The following ROBO1 variants were observed in gnomAD, a reference collection of about 807,000 sequenced individuals.
ROBO1 encodes the protein roundabout guidance receptor 1, also known as roundabout homolog 1.
Under a neutral mutation model 195.9 loss-of-function variants are expected in ROBO1, and 149 were observed. The observed-to-expected ratio is 0.76, with a 90% confidence interval of 0.67 to 0.87. The LOEUF is 0.87. Among genes scored for constraint, ROBO1 ranks in the 40% least tolerant of loss-of-function variants. ROBO1 has a pLI of 0.00. For synonymous variants in ROBO1, 816 were observed against 733.2 expected (o/e 1.11, Z -1.82); for missense variants, 1,933 against 2,068.3 (o/e 0.93, Z 1.27).
intron 2 of ROBO1, among the ~76,000 whole-genome samples, chr3:79,308,345 T>C (rs2033319250): frequency 6.6e-6 from 1 of 152,190 alleles, no homozygotes; most frequent in African/African-American, 2.4e-5. Flanking sequence ...ATCTAAATCA[T>C]TCATGCAGGA....
chr3:79,191,561 T>A (rs1373734830), intron 2 of ROBO1, among the ~76,000 whole-genome samples: 4 of 151,248 alleles, frequency 2.6e-5, no homozygotes, highest in Non-Finnish European at 5.9e-5. Flanking sequence ...TAATATAAAA[T>A]ATAAATTATT....
At chr3:79,339,369 T>A (rs2109216172) in intron 2 of ROBO1, among the ~76,000 whole-genome samples, 1 of 152,336 alleles carries the variant, frequency 6.6e-6, no homozygotes, top group South Asian at 2.1e-4. Flanking sequence ...TCTGGCTTTG[T>A]GTGCTGTTTT....
chr3:79,726,055 G>T (rs1260424093), intron 1 of ROBO1, among the ~76,000 whole-genome samples: 1 of 152,150 alleles, frequency 6.6e-6, no homozygotes, highest in African/African-American at 2.4e-5. Context: ...GCCATTCTCG[G>T]CTGGGTTCCT....
chr3:79,483,111 T>C (rs540048924), intron 2 of ROBO1, among the ~76,000 whole-genome samples: 3 of 152,232 alleles, frequency 2.0e-5, no homozygotes, highest in African/African-American at 4.8e-5. Flanking sequence ...ACTTCCACTT[T>C]GTTTGAACCA....
At chr3:79,448,304 A>T (rs1483333283) in intron 2 of ROBO1, among the ~76,000 whole-genome samples, 1 of 152,192 alleles carries the variant, frequency 6.6e-6, no homozygotes, top group East Asian at 1.9e-4. Context: ...ATTTCTAAAC[A>T]CAAAAGTAAT....
intron 5 of ROBO1, among the ~76,000 whole-genome samples, chr3:78,728,499 T>TA (rs1415205244): frequency 2.6e-5 from 4 of 151,768 alleles, no homozygotes; most frequent in African/African-American, 9.7e-5. Flanking sequence ...AATTAAACTG[T>TA]AAAAAGTACC....
At chr3:79,434,771 T>G (rs1054471219) in intron 2 of ROBO1, among the ~76,000 whole-genome samples, 3 of 152,174 alleles carry the variant, frequency 2.0e-5, no homozygotes, top group African/African-American at 7.2e-5. Context: ...CACGTATGTT[T>G]ATTGTGGCAC....
rs2107564378 is a variant in ROBO1, at chr3:79,517,547, C to T, written c.88+72277G>A. Among the ~76,000 whole-genome samples the T allele has an allele frequency of 2.0e-5, 3 of 152,234 alleles. No individual in the cohort carries two copies. The South Asian group carries it at 6.2e-4, about 32-fold the overall frequency. On this transcript the variant is annotated intron_variant, in intron 2 of 30. Transcript: ENST00000464233. The stretch of plus-strand genomic sequence containing the variant: ...TTATTTTAACATTCTTTCTGGTCCA[C>T]CTCCTTCATATCTGTGACTTTCAAA...
chr3:79,276,914 G>A (rs1399569646), intron 2 of ROBO1, among the ~76,000 whole-genome samples: 1 of 152,028 alleles, frequency 6.6e-6, no homozygotes, highest in African/African-American at 2.4e-5. Context: ...AAAATACAGT[G>A]AGATACCATC....
intron 2 of ROBO1, among the ~76,000 whole-genome samples, chr3:79,568,506 G>A (rs1427679882): frequency 7.0e-6 from 1 of 142,786 alleles, no homozygotes; most frequent in Non-Finnish European, 1.5e-5. Flanking sequence ...CAGATTGATT[G>A]AATTTTTTTC....
At position 79,606,576 on chromosome 3, in the gene ROBO1, C is replaced by A. The variant is rs138100235; in HGVS notation, c.-50-16615G>T. On this transcript the variant is annotated intron_variant, in intron 1 of 30. Coordinates refer to ENST00000464233, the MANE Select transcript of ROBO1 (RefSeq NM_002941.4). ...TACAGGCATTCACCACTGTGCCCAGCCATTTATGTATTACTTAACCTGTTA... is the reference window on the plus strand; with the variant it reads ...TACAGGCATTCACCACTGTGCCCAGACATTTATGTATTACTTAACCTGTTA... Among the ~76,000 whole-genome samples the A allele has an allele frequency of 8.5e-3, 1,292 of 152,058 alleles. 6 individuals are homozygous for A. The highest frequency in any genetic ancestry group is 0.013 in the Non-Finnish European group (875 of 67,950).
chr3:78,767,623 G>A lies in ROBO1; in HGVS notation c.500-20723C>T, dbSNP rs145694502. ...CACTCCTTGTTGTTGGTCTGTTCAGGGTATCTAATTTTTCCTGATTTAAGC... is the reference window on the plus strand; with the variant it reads ...CACTCCTTGTTGTTGGTCTGTTCAGAGTATCTAATTTTTCCTGATTTAAGC... On this transcript the variant is annotated intron_variant, in intron 4 of 30. Transcript: ENST00000464233. 1.4e-4 allele frequency among the ~76,000 whole-genome samples: 22 copies of A among 152,038 alleles called. No homozygotes were observed. The East Asian group carries it at 4.1e-3, about 28-fold the overall frequency.
chr3:78,767,730 C>CTCAAATGATCTTTTGTATT (rs1369243301), intron 4 of ROBO1, among the ~76,000 whole-genome samples: 1 of 152,134 alleles, frequency 6.6e-6, no homozygotes, highest in African/African-American at 2.4e-5. Context: ...TCATAGTAAC[C>CTCAAATGATCTTTTGTATT]TCAAATGATC....
intron 2 of ROBO1, among the ~76,000 whole-genome samples, chr3:79,546,408 G>A (rs955422527): frequency 6.6e-6 from 1 of 152,032 alleles, no homozygotes; most frequent in Non-Finnish European, 1.5e-5. Context: ...TAAATGTACA[G>A]TGAAAGAGTA....
At chr3:79,028,935 T>C (rs973088238) in intron 3 of ROBO1, among the ~76,000 whole-genome samples, 3 of 152,060 alleles carry the variant, frequency 2.0e-5, no homozygotes, top group Non-Finnish European at 4.4e-5. Flanking sequence ...GGGCAATAAA[T>C]TAAGACATAA....
At chr3:78,617,129 GAGAAAT>G (rs1704157250) in intron 27 of ROBO1, among the ~76,000 whole-genome samples, 2 of 152,028 alleles carry the variant, frequency 1.3e-5, no homozygotes, top group Non-Finnish European at 1.5e-5. Context: ...GGGAATTAAG[GAGAAAT>G]AGCCCATTTT....
chr3:78,943,569 G>A (rs902849692), intron 3 of ROBO1, among the ~76,000 whole-genome samples: 2 of 152,192 alleles, frequency 1.3e-5, no homozygotes, highest in African/African-American at 2.4e-5. Context: ...TTGCTTCAAG[G>A]AAGAGTTGCA....
At chr3:78,663,423 T>C (rs1269785458) in intron 14 of ROBO1, among the ~76,000 whole-genome samples, 1 of 152,114 alleles carries the variant, frequency 6.6e-6, no homozygotes, top group Non-Finnish European at 1.5e-5. Flanking sequence ...ATAACTATTA[T>C]CACAGCCTCT....
At chr3:79,528,624 C>A (rs978264674) in intron 2 of ROBO1, among the ~76,000 whole-genome samples, 3 of 152,128 alleles carry the variant, frequency 2.0e-5, no homozygotes, top group Non-Finnish European at 2.9e-5. Context: ...AATATTGGAA[C>A]CATGTCAAAA....
Sources: allele counts gnomAD v4.1 joint callset (sites outside exome capture counted in the v4.1 genomes callset), GRCh38; gene constraint gnomAD v4.1.1; transcripts MANE v1.5; gene names NCBI Gene and HGNC (gene_info 2026-07-23, HGNC 2026-07-21).